Variants in CRIM1 observed in about 807,000 individuals in gnomAD.
CRIM1 encodes the protein cysteine-rich motor neuron 1 protein.
In CRIM1, 32 loss-of-function variants were observed where a neutral mutation model predicts 116.4. That is an observed-to-expected ratio of 0.27 (90% CI 0.21 to 0.37). The LOEUF (loss-of-function observed/expected upper bound fraction) is 0.37, where lower values mean the gene tolerates loss of function less well. Ranked by LOEUF, CRIM1 falls within the 10% of genes least tolerant of loss-of-function variation. The pLI is 1.00. For synonymous variants in CRIM1, 590 were observed against 509.2 expected (o/e 1.16, Z -2.13); for missense variants, 1,331 against 1,354.8 (o/e 0.98, Z 0.28).
At chr2:36,512,132 TC>T in intron 9 of CRIM1, 140 bp from the exon 10 acceptor site, 1 of 949,584 alleles carries the variant, frequency 1.1e-6, no homozygotes, top group Non-Finnish European at 1.6e-6. Flanking sequence ...TAATTACCCA[TC>T]ACTCCAGGAA....
intron 1 of CRIM1, among the ~76,000 whole-genome samples, chr2:36,375,908 T>C (rs1017465958): frequency 3.9e-5 from 6 of 152,230 alleles, no homozygotes; most frequent in African/African-American, 1.4e-4. Context: ...AGCAAGCATG[T>C]AAAATAAACA....
chr2:36,446,399 C>T (rs934354150), intron 4 of CRIM1, among the ~76,000 whole-genome samples: 6 of 152,334 alleles, frequency 3.9e-5, no homozygotes, highest in East Asian at 1.9e-4. Flanking sequence ...CACTATTCTC[C>T]GGATGTTCTT....
At position 36,517,490 on chromosome 2, in the gene CRIM1, G is replaced by C. The variant is rs778749691; in HGVS notation, c.2154G>C (p.Leu718=). The change falls in exon 12 of 17, where the codon CTG becomes CTC. Residue 718 remains leucine (L), a synonymous_variant. Coordinates refer to ENST00000280527, the MANE Select transcript of CRIM1 (RefSeq NM_016441.3). ...GTGAGACAGAGGTGTGCCCACCGCT[G>C]CTCTGCCAGAACCCCTCACGCACCC... The part of the protein sequence containing the change: ...VLCETEVCPP[L]LCQNPSRTQD... 5 of 1,614,198 alleles carry C rather than the reference G, an allele frequency of 3.1e-6. No homozygotes were observed. The South Asian group carries it at 4.4e-5, about 14-fold the overall frequency.
Position 36,534,020 on chromosome 2 carries a change from A to G in CRIM1, c.2429-3332A>G, listed in dbSNP as rs573838578. Among the ~76,000 whole-genome samples the G allele has an allele frequency of 1.6e-4, 20 of 126,336 alleles. No homozygotes were observed. The East Asian group carries it at 4.9e-3, about 31-fold the overall frequency. The allele number at this position is 126,336 out of a possible 152,430, so 82.9% of individuals were successfully genotyped here. A position where few individuals can be genotyped will look rare whatever the true frequency, so the allele number is the denominator to read the frequency against. ...AAGGAAGGAAGGAAAGGAGGGAGGG[A>G]GGGTGAAAAGGAGAGAAGGAAGGAC... On this transcript the variant is annotated intron_variant, in intron 13 of 16. Transcript: ENST00000280527.
At chr2:36,440,909 A>G (rs981622168) in intron 2 of CRIM1, among the ~76,000 whole-genome samples, 2 of 152,180 alleles carry the variant, frequency 1.3e-5, no homozygotes, top group South Asian at 2.1e-4. Flanking sequence ...GAATTCAAAG[A>G]TCTTTCAGTT....
chr2:36,499,181 A>G (rs146523843), intron 7 of CRIM1, 38 bp from the exon 8 acceptor site: 3 of 1,524,914 alleles, frequency 2.0e-6, no homozygotes, highest in East Asian at 4.5e-5. Context: ...AGGTAATCAT[A>G]TGTTTCATTG....
At chr2:36,513,286 A>C in intron 10 of CRIM1, 1 of 426,922 alleles carries the variant, frequency 2.3e-6, no homozygotes, top group Non-Finnish European at 4.3e-6. Context: ...ATTGTATAAA[A>C]TATGAGAAAG....
Position 36,537,388 on chromosome 2 carries a change from G to C in CRIM1, c.2465G>C (p.Ser822Thr), listed in dbSNP as rs1231240290. The stretch of plus-strand genomic sequence containing the variant: ...CCAAAGAAGGTGGTGTGCCACTTCA[G>C]TGGGAAGGCCTATGCCGACGAGGAG... ...TIPKKVVCHF[S>T]GKAYADEERW... is the part of the protein sequence containing the mutation. Residue 822 changes from serine (S) to threonine (T), a missense_variant, in exon 14 of 17, where the codon AGT becomes ACT. Ser to Thr is a moderately conservative substitution (Grantham distance 58, BLOSUM62 1). Around this residue, in one of 3 missense-constraint regions of CRIM1, gnomAD observed 358 missense variants for 436.1 expected, o/e 0.82. Coordinates refer to ENST00000280527, the MANE Select transcript of CRIM1 (RefSeq NM_016441.3). The C allele has an allele frequency of 6.2e-7, 1 of 1,614,236 alleles. No individual in the cohort carries two copies. The highest frequency in any genetic ancestry group is 1.7e-5 in the Admixed American group (1 of 60,032).
At chr2:36,454,021 C>G (rs1041675988) in intron 4 of CRIM1, among the ~76,000 whole-genome samples, 1 of 152,172 alleles carries the variant, frequency 6.6e-6, no homozygotes, top group Non-Finnish European at 1.5e-5. Flanking sequence ...GATAACCACT[C>G]CATTGCAAGA....
intron 7 of CRIM1, among the ~76,000 whole-genome samples, chr2:36,483,060 T>G (rs918568981): frequency 2.0e-5 from 3 of 152,218 alleles, no homozygotes; most frequent in African/African-American, 7.2e-5. Context: ...TGATGAATTC[T>G]TAGCAAGTTA....
intron 5 of CRIM1, among the ~76,000 whole-genome samples, chr2:36,466,224 A>C (rs1678017384): frequency 6.6e-6 from 1 of 152,048 alleles, no homozygotes; most frequent in Non-Finnish European, 1.5e-5. Flanking sequence ...TCACATCCAG[A>C]GGCACAGTTC....
intron 2 of CRIM1, among the ~76,000 whole-genome samples, chr2:36,408,579 A>G (rs1263095424): frequency 6.6e-6 from 1 of 152,216 alleles, no homozygotes; most frequent in Non-Finnish European, 1.5e-5. Context: ...GGGGAGCTGG[A>G]GCTGTCCCTT....
At chr2:36,419,339 G>C (rs1419819869) in intron 2 of CRIM1, among the ~76,000 whole-genome samples, 1 of 152,284 alleles carries the variant, frequency 6.6e-6, no homozygotes, top group East Asian at 1.9e-4. Flanking sequence ...AGTTGTGATT[G>C]ACATCAGATT....
chr2:36,525,383 TC>T (rs1242699834), intron 13 of CRIM1, among the ~76,000 whole-genome samples: 2 of 152,194 alleles, frequency 1.3e-5, no homozygotes, highest in Non-Finnish European at 2.9e-5. Context: ...AGTCCTGACT[TC>T]CAGTCAGCTT....
intron 2 of CRIM1, among the ~76,000 whole-genome samples, chr2:36,419,402 T>C (rs554085347): frequency 2.6e-5 from 4 of 152,358 alleles, no homozygotes; most frequent in African/African-American, 9.6e-5. Flanking sequence ...TTGTTAATAT[T>C]CTAATCTCCT....
At chr2:36,399,480 A>G (rs978901731) in intron 2 of CRIM1, among the ~76,000 whole-genome samples, 3 of 152,200 alleles carry the variant, frequency 2.0e-5, no homozygotes, top group African/African-American at 7.2e-5. Flanking sequence ...TGCTAGCAGG[A>G]AAGGGAAGGA....
At position 36,522,203 on chromosome 2, in the gene CRIM1, C is replaced by CCAGCTG; in HGVS notation, c.2321_2326dup (p.Ser774_Cys775dup). The stretch of plus-strand genomic sequence containing the variant: ...GAGTCCTGGAAGCCTGACGTTTGTA[C>CCAGCTG]CAGCTGCATCTGCATTGATAGCGTA... On this transcript the variant is annotated inframe_insertion, in exon 13 of 17. Transcript: ENST00000280527. 1 of 1,614,024 alleles carries CCAGCTG rather than the reference C, an allele frequency of 6.2e-7. No individual in the cohort carries two copies.
At chr2:36,441,185 G>C in intron 2 of CRIM1, 73 bp from the exon 3 acceptor site, 1 of 1,589,306 alleles carries the variant, frequency 6.3e-7, no homozygotes, top group Non-Finnish European at 8.6e-7. Flanking sequence ...AGATCATCAG[G>C]ACTGTTTGTT....
At chr2:36,433,994 T>G (rs965166494) in intron 2 of CRIM1, among the ~76,000 whole-genome samples, 43 of 152,128 alleles carry the variant, frequency 2.8e-4, no homozygotes, top group African/African-American at 1.0e-3. Context: ...TGGGACTGTA[T>G]CAACAAGTCT....
Sources: allele counts gnomAD v4.1 joint callset (sites outside exome capture counted in the v4.1 genomes callset), GRCh38; gene constraint gnomAD v4.1.1; regional missense constraint gnomAD v4.1.1; transcripts MANE v1.5; gene names NCBI Gene and HGNC (gene_info 2026-07-23, HGNC 2026-07-21).